Variants in KIF25 observed in about 807,000 individuals in gnomAD.
The protein encoded by KIF25 is kinesin family member 25.
Under a neutral mutation model 32.9 loss-of-function variants are expected in KIF25, and 19 were observed. That is an observed-to-expected ratio of 0.58 (90% CI 0.40 to 0.85). KIF25 has a LOEUF of 0.85. Ranked by LOEUF, KIF25 falls within the 40% of genes least tolerant of loss-of-function variation. The pLI, the probability that KIF25 is intolerant of heterozygous loss-of-function variation, is 0.00. For synonymous variants in KIF25, 225 were observed against 213.7 expected (o/e 1.05, Z -0.46); for missense variants, 485 against 507.0 (o/e 0.96, Z 0.42).
At chr6:168,013,744 G>A (rs1798679221) in intron 4 of KIF25, among the ~76,000 whole-genome samples, 1 of 128,066 alleles carries the variant, frequency 7.8e-6, no homozygotes, top group Admixed American at 7.7e-5. Context: ...CTTCTGCCTG[G>A]GCAGATCTGA....
chr6:168,035,444 AGGCGGGAACGGCGCTGCGGGGGG>A (rs1562390535), intron 8 of KIF25, among the ~76,000 whole-genome samples: 71 of 16,892 alleles, frequency 4.2e-3, no homozygotes, highest in African/African-American at 7.9e-3. Context: ...GCGGCGGAGG[AGGCGGGAACGGCGCTGCGGGGGG>A]GGCGGGAACG....
intron 5 of KIF25, among the ~76,000 whole-genome samples, chr6:168,019,295 C>T (rs1798756246): frequency 6.6e-6 from 1 of 152,120 alleles, no homozygotes; most frequent in South Asian, 2.1e-4. Context: ...GATGAGAAAA[C>T]TCAGGCAACG....
rs769947009 is a variant in KIF25, at chr6:168,038,716, C to T, written c.481C>T (p.Leu161=). The change falls in exon 9 of 13, where the codon CTG becomes TTG. Residue 161 remains leucine, a synonymous_variant. Coordinates refer to ENST00000643607, the MANE Select transcript of KIF25 (RefSeq NM_030615.4). ...CAAGGATGGACGGACAGAGGTTGCG[C>T]TGCTGGCCTCTGAGTGAGTACTGCA... ...TAKDGRTEVA[L]LASEAVGSAS... is the part of the protein sequence containing the mutation. The T allele has an allele frequency of 1.2e-6, 2 of 1,613,332 alleles. No individual in the cohort carries two copies. The highest frequency in any genetic ancestry group is 1.7e-6 in the Non-Finnish European group (2 of 1,179,956).
At chr6:168,031,534 CAA>C (rs1798942357) in intron 7 of KIF25, among the ~76,000 whole-genome samples, 1 of 152,224 alleles carries the variant, frequency 6.6e-6, no homozygotes, top group African/African-American at 2.4e-5. Flanking sequence ...CGAGTAGGGT[CAA>C]GTCAGGAAGC....
intron 4 of KIF25, 58 bp from the exon 5 acceptor site, chr6:168,017,915 G>A (rs1490406484): frequency 6.6e-6 from 1 of 152,496 alleles, no homozygotes; most frequent in Admixed American, 6.5e-5. Flanking sequence ...GGTGGGGCTT[G>A]TGTTTAATTA....
rs368191918 is a variant in KIF25, at chr6:168,001,795, AG to A, written c.-369-746del. Among the ~76,000 whole-genome samples the A allele has an allele frequency of 1.8e-4, 17 of 94,850 alleles. 1 individual carries two copies. The East Asian group carries it at 5.1e-3, about 28-fold the overall frequency. 62.2% of individuals were successfully genotyped at this position (94,850 alleles called of 152,430 possible). A position where few individuals can be genotyped will look rare whatever the true frequency, so the allele number is the denominator to read the frequency against. ...AGACACCTGAGGCGTGGCCTTGGGC[AG>A]GTGAGAAGACACCTGAGGCATGGCC... is the stretch of plus-strand genomic sequence containing the variant. On this transcript the variant is annotated intron_variant, in intron 2 of 12. Coordinates refer to ENST00000643607, the MANE Select transcript of KIF25 (RefSeq NM_030615.4).
At position 168,018,029 on chromosome 6, in the gene KIF25, T is replaced by A. The variant is rs895925336; in HGVS notation, c.-106T>A. ...GCCACCCTCTGATTGATAAGACATA[T>A]CATTTTGAAAGGTAAGTGCTTTTCA... is the stretch of plus-strand genomic sequence containing the variant. On this transcript the variant is annotated 5_prime_UTR_variant, in exon 5 of 13. Coordinates refer to ENST00000643607, the MANE Select transcript of KIF25 (RefSeq NM_030615.4). 6.6e-6 allele frequency: 1 copy of A among 152,570 alleles called. No individual in the cohort carries two copies. Among genetic ancestry groups the A allele is most frequent in the African/African-American group, 2.4e-5 (1 of 41,436 alleles). The allele number at this position is 152,570 out of a possible 1,614,324, so 9.5% of individuals were successfully genotyped here.
chr6:168,027,685 G>T (rs1044976714), intron 5 of KIF25, among the ~76,000 whole-genome samples: 1 of 152,122 alleles, frequency 6.6e-6, no homozygotes, highest in Admixed American at 6.5e-5. Flanking sequence ...CCGGACAGCC[G>T]CGTGGGCAAG....
rs145050874 is a variant in KIF25 at position 168,033,442 on chromosome 6, A to T, written c.168-440A>T. On this transcript the variant is annotated intron_variant, in intron 7 of 12. Coordinates refer to ENST00000643607, the MANE Select transcript of KIF25 (RefSeq NM_030615.4). ...TTGAACCCAGGAGGCAGAGGTTGCA[A>T]TGAGCCAAAATTGTGCCATTGCACT... Among the ~76,000 whole-genome samples the T allele has an allele frequency of 3.6e-3, 550 of 151,574 alleles. 3 individuals are homozygous for T. Among genetic ancestry groups the T allele is most frequent in the African/African-American group, 0.013 (529 of 41,338 alleles).
chr6:168,000,677 C>T (rs1453520684), intron 2 of KIF25, among the ~76,000 whole-genome samples: 3 of 151,432 alleles, frequency 2.0e-5, no homozygotes, highest in African/African-American at 7.3e-5. Context: ...ATCCTGACCA[C>T]ACCTGGCCCT....
intron 8 of KIF25, among the ~76,000 whole-genome samples, chr6:168,036,940 T>A (rs2114908403): frequency 6.6e-6 from 1 of 152,306 alleles, no homozygotes; most frequent in East Asian, 1.9e-4. Context: ...TGCATGCCTG[T>A]AATGTCAGCT....
At chr6:168,037,444 C>G (rs1799039712) in intron 8 of KIF25, among the ~76,000 whole-genome samples, 1 of 152,188 alleles carries the variant, frequency 6.6e-6, no homozygotes, top group Admixed American at 6.5e-5. Flanking sequence ...GCACAATGCT[C>G]ACCATCGGAT....
At chr6:168,033,572 C>T (rs1798971929) in intron 7 of KIF25, among the ~76,000 whole-genome samples, 1 of 151,664 alleles carries the variant, frequency 6.6e-6, no homozygotes, top group Non-Finnish European at 1.5e-5. Flanking sequence ...AGGTCAGAAT[C>T]CCTATGTGAA....
chr6:168,007,309 G>A (rs948425261), intron 4 of KIF25, among the ~76,000 whole-genome samples: 17 of 152,218 alleles, frequency 1.1e-4, no homozygotes, highest in South Asian at 4.1e-4. Context: ...CTACTTGGGA[G>A]GCTGAGGTAG....
At chr6:168,042,445 C>T in intron 11 of KIF25, 116 bp from the exon 12 acceptor site, 1 of 1,293,116 alleles carries the variant, frequency 7.7e-7, no homozygotes, top group Non-Finnish European at 1.1e-6. Flanking sequence ...CATGCCTGTC[C>T]CGTCCATGGC....
chr6:168,016,894 C>T (rs1798722107), intron 4 of KIF25, among the ~76,000 whole-genome samples: 2 of 152,318 alleles, frequency 1.3e-5, no homozygotes, highest in South Asian at 4.2e-4. Flanking sequence ...CCCCAGGCAG[C>T]GCGGGGCTGA....
intron 7 of KIF25, among the ~76,000 whole-genome samples, chr6:168,032,277 G>A (rs1447224793): frequency 6.6e-6 from 1 of 152,196 alleles, no homozygotes; most frequent in African/African-American, 2.4e-5. Flanking sequence ...TTAGAATTGT[G>A]TTTTTGGTTT....
chr6:168,017,886 C>G (rs1798736687), intron 4 of KIF25, 87 bp from the exon 5 acceptor site: 1 of 152,452 alleles, frequency 6.6e-6, no homozygotes, highest in African/African-American at 2.4e-5. Context: ...TTTACAAAAA[C>G]AGGCGGCAGG....
intron 12 of KIF25, among the ~76,000 whole-genome samples, chr6:168,044,283 CCGGACCCAGG>C (rs1469120310): frequency 7.0e-6 from 1 of 142,516 alleles, no homozygotes; most frequent in African/African-American, 2.7e-5. Context: ...GCTGACCCTC[CCGGACCCAGG>C]TGAGGGATGC....
Sources: allele counts gnomAD v4.1 joint callset (sites outside exome capture counted in the v4.1 genomes callset), GRCh38; gene constraint gnomAD v4.1.1; transcripts MANE v1.5; gene names NCBI Gene and HGNC (gene_info 2026-07-23, HGNC 2026-07-21).